Variants in TRPC7 observed in about 807,000 individuals in gnomAD.
TRPC7 encodes the protein short transient receptor potential channel 7.
Under a neutral mutation model 90.1 loss-of-function variants are expected in TRPC7, and 42 were observed. The observed-to-expected ratio is 0.47, with a 90% CI of 0.36 to 0.60. The LOEUF (loss-of-function observed/expected upper bound fraction) is 0.60, where lower values mean the gene tolerates loss of function less well. TRPC7 is among the 20% of genes least tolerant of loss of function. TRPC7 has a pLI of 0.00. For synonymous variants in TRPC7, 451 were observed against 436.3 expected (o/e 1.03, Z -0.42); for missense variants, 955 against 1,112.3 (o/e 0.86, Z 2.01).
intron 3 of TRPC7, among the ~76,000 whole-genome samples, chr5:136,296,739 G>T (rs1412640803): frequency 2.0e-5 from 3 of 152,184 alleles, no homozygotes; most frequent in African/African-American, 7.2e-5. Flanking sequence ...GCACATGATT[G>T]TACACTGTCA....
chr5:136,304,309 C>T (rs1401539865), intron 3 of TRPC7, among the ~76,000 whole-genome samples: 1 of 152,114 alleles, frequency 6.6e-6, no homozygotes, highest in Non-Finnish European at 1.5e-5. Context: ...GATCCCATCC[C>T]ACAGCACTCT....
chr5:136,254,523 AC>A (rs1481005901), intron 5 of TRPC7, among the ~76,000 whole-genome samples: 9 of 152,244 alleles, frequency 5.9e-5, no homozygotes, highest in African/African-American at 1.9e-4. Context: ...AGCATGGTAT[AC>A]TGAATATTTT....
chr5:136,344,120 C>A (rs113138670), intron 2 of TRPC7, among the ~76,000 whole-genome samples: 6 of 152,068 alleles, frequency 3.9e-5, no homozygotes, highest in East Asian at 1.9e-4. Flanking sequence ...ATGTCCTTTG[C>A]GGCAACATGA....
chr5:136,231,634 T>C (rs1230073602), intron 7 of TRPC7, 85 bp from the exon 8 acceptor site: 1 of 1,312,204 alleles, frequency 7.6e-7, no homozygotes, highest in African/African-American at 1.5e-5. Context: ...AGACAGGGTC[T>C]CACTCTGTTG....
intron 11 of TRPC7, among the ~76,000 whole-genome samples, chr5:136,214,659 A>G (rs1276047593): frequency 1.3e-5 from 2 of 152,150 alleles, no homozygotes; most frequent in African/African-American, 4.8e-5. Context: ...TTTGAGACCT[A>G]CAAGTAGGTA....
At chr5:136,239,406 G>T (rs1012487198) in intron 7 of TRPC7, among the ~76,000 whole-genome samples, 3 of 152,164 alleles carry the variant, frequency 2.0e-5, no homozygotes, top group Non-Finnish European at 4.4e-5. Flanking sequence ...TTTCAACACC[G>T]ACCCAGGATC....
chr5:136,225,372 A>G lies in TRPC7; in HGVS notation c.2263-18T>C. ...CGAGTCTTCTGGATAAAACAAACAAACCCACACACATCACACAGAAAAACA... is the reference window on the plus strand; with the variant it reads ...CGAGTCTTCTGGATAAAACAAACAAGCCCACACACATCACACAGAAAAACA... On this transcript the variant is annotated intron_variant, in intron 9 of 11. Transcript: ENST00000513104. 1 of 1,607,570 alleles carries G rather than the reference A, an allele frequency of 6.2e-7. No homozygotes were observed. The highest frequency in any genetic ancestry group is 8.5e-7 in the Non-Finnish European group (1 of 1,177,128).
chr5:136,247,782 C>T lies in TRPC7; in HGVS notation c.1580-47G>A. 2 of 1,570,430 alleles carry T rather than the reference C, an allele frequency of 1.3e-6. No homozygotes were observed. The highest frequency in any genetic ancestry group is 1.7e-4 in the Middle Eastern group (1 of 5,822). On this transcript the variant is annotated intron_variant, in intron 6 of 11. Coordinates refer to ENST00000513104, the MANE Select transcript of TRPC7 (RefSeq NM_020389.3). The surrounding 1 kb of genome is among the most constrained non-coding windows in gnomAD (Gnocchi z 4.2). ...TACTCACGAGGCCACAGGATCTATT[C>T]TAGAAGAGAAACCAGTTAGGCATCT...
intron 3 of TRPC7, among the ~76,000 whole-genome samples, chr5:136,293,404 C>A (rs1227278505): frequency 6.6e-6 from 1 of 152,090 alleles, no homozygotes; most frequent in African/African-American, 2.4e-5. Flanking sequence ...TCGTCTGAGC[C>A]CAAAATCTCC....
At chr5:136,315,301 C>A (rs1354413605) in intron 3 of TRPC7, among the ~76,000 whole-genome samples, 4 of 152,178 alleles carry the variant, frequency 2.6e-5, no homozygotes, top group East Asian at 1.9e-4. Context: ...TGACATTGTC[C>A]CTGCCAGTGG....
At chr5:136,354,704 C>G (rs1760307975) in intron 2 of TRPC7, among the ~76,000 whole-genome samples, 1 of 152,214 alleles carries the variant, frequency 6.6e-6, no homozygotes, top group Non-Finnish European at 1.5e-5. Context: ...TACAAGACAA[C>G]CTTAAAAGTG....
At chr5:136,246,079 T>C (rs11744088) in intron 7 of TRPC7, among the ~76,000 whole-genome samples, 1,991 of 152,288 alleles carry the variant, frequency 0.013, 18 homozygotes, top group Non-Finnish European at 0.022. Flanking sequence ...GAGAGCTCCA[T>C]CACCACTTCC....
chr5:136,268,792 G>A lies in TRPC7; in HGVS notation c.1129-2356C>T, dbSNP rs184418121. On this transcript the variant is annotated intron_variant, in intron 4 of 11. Coordinates refer to ENST00000513104, the MANE Select transcript of TRPC7 (RefSeq NM_020389.3). Reference sequence around the variant, plus strand: ...AGTTCCCACTTGATCTAGGTCACAGGGAGGAAAAGTGAGGTTGGGAATTGA... The same window carrying A: ...AGTTCCCACTTGATCTAGGTCACAGAGAGGAAAAGTGAGGTTGGGAATTGA... Among the ~76,000 whole-genome samples the A allele has an allele frequency of 2.2e-3, 328 of 152,304 alleles. 3 individuals carry two copies. Among genetic ancestry groups the A allele is most frequent in the Admixed American group, 9.8e-3 (150 of 15,292 alleles).
intron 2 of TRPC7, among the ~76,000 whole-genome samples, chr5:136,353,214 A>C (rs1760257517): frequency 6.6e-6 from 1 of 152,232 alleles, no homozygotes; most frequent in Admixed American, 6.5e-5. Context: ...AATTTGCTGA[A>C]GACCTTGACA....
intron 2 of TRPC7, among the ~76,000 whole-genome samples, chr5:136,328,425 C>G (rs1759407953): frequency 1.3e-5 from 2 of 152,176 alleles, no homozygotes; most frequent in Admixed American, 1.3e-4. Context: ...TCGCTGTGTC[C>G]TAAGTGTTTC....
chr5:136,361,438 G>A (rs2149864869), intron 1 of TRPC7, among the ~76,000 whole-genome samples: 1 of 152,210 alleles, frequency 6.6e-6, no homozygotes, highest in Non-Finnish European at 1.5e-5. Context: ...TTTTTATCAA[G>A]CTGCTCTTAC....
At chr5:136,300,985 C>T (rs572145243) in intron 3 of TRPC7, among the ~76,000 whole-genome samples, 5 of 152,208 alleles carry the variant, frequency 3.3e-5, no homozygotes, top group Non-Finnish European at 7.3e-5. Context: ...TTGCTGTGCT[C>T]CCACCCAAAA....
chr5:136,276,638 C>T lies in TRPC7; in HGVS notation c.964-1801G>A, dbSNP rs147443642. The stretch of plus-strand genomic sequence containing the variant: ...ATACCATTACTTGAAATATTAGATG[C>T]AAATGAGGCTTTTCTTTGTAGCATT... On this transcript the variant is annotated intron_variant, in intron 3 of 11. Coordinates refer to ENST00000513104, the MANE Select transcript of TRPC7 (RefSeq NM_020389.3). 6.6e-5 allele frequency among the ~76,000 whole-genome samples: 10 copies of T among 152,318 alleles called. No homozygotes were observed. The Middle Eastern group carries it at 0.01, about 155-fold the overall frequency.
intron 10 of TRPC7, among the ~76,000 whole-genome samples, chr5:136,220,402 T>G (rs1755414411): frequency 1.3e-5 from 2 of 152,264 alleles, no homozygotes; most frequent in East Asian, 3.9e-4. Context: ...AATGCATTCC[T>G]GGGGGGCAGT....
Sources: allele counts gnomAD v4.1 joint callset (sites outside exome capture counted in the v4.1 genomes callset), GRCh38; gene constraint gnomAD v4.1.1; non-coding constraint Gnocchi (gnomAD v3.1); transcripts MANE v1.5; gene names NCBI Gene and HGNC (gene_info 2026-07-23, HGNC 2026-07-21).